The following ZNF609 variants were observed in gnomAD, a reference collection of about 807,000 sequenced individuals.
ZNF609 encodes the protein zinc finger protein 609.
A neutral mutation model predicts 109.5 loss-of-function variants in ZNF609; 11 were observed. That is an observed-to-expected ratio of 0.10 (90% CI 0.06 to 0.17). ZNF609 has a LOEUF of 0.17. ZNF609 is among the 10% of genes least tolerant of loss of function. The probability of loss-of-function intolerance (pLI) is 1.00; values close to 1 mark genes in which losing one functional copy is unlikely to be tolerated. For synonymous variants in ZNF609, 646 were observed against 662.0 expected (o/e 0.98, Z 0.37); for missense variants, 1,559 against 1,772.4 (o/e 0.88, Z 2.16).
At chr15:64,673,668 T>C (rs1348468761) in intron 4 of ZNF609, among the ~76,000 whole-genome samples, 1 of 152,192 alleles carries the variant, frequency 6.6e-6, no homozygotes, top group Non-Finnish European at 1.5e-5. Flanking sequence ...ATAGGAAATG[T>C]TGACTTGACT....
chr15:64,577,338 T>TATATGTATATATATACAC lies in ZNF609; in HGVS notation c.748-45485_748-45484insGTATATATATACACATAT, dbSNP rs1567019381. 2.7e-3 allele frequency among the ~76,000 whole-genome samples: 50 copies of TATATGTATATATATACAC among 18,642 alleles called. 17 individuals carry two copies. Among genetic ancestry groups the TATATGTATATATATACAC allele is most frequent in the African/African-American group, 4.8e-3 (50 of 10,354 alleles). 12.2% of individuals were successfully genotyped at this position (18,642 alleles called of 152,430 possible). A position where few individuals can be genotyped will look rare whatever the true frequency, so the allele number is the denominator to read the frequency against. ...ATATATATACACACAAATATATACATATATATGTATATATATACACATATA... is the reference window on the plus strand; with the variant it reads ...ATATATATACACACAAATATATACATATATGTATATATATACACATATATGTATATATATACACATATA... On this transcript the variant is annotated intron_variant, in intron 2 of 9. Coordinates refer to ENST00000326648, the MANE Select transcript of ZNF609 (RefSeq NM_015042.2).
Position 64,622,819 on chromosome 15 carries a change from C to T in ZNF609, c.748-8C>T, listed in dbSNP as rs368971768. 1 of 1,613,316 alleles carries T rather than the reference C, an allele frequency of 6.2e-7. No individual in the cohort carries two copies. The highest frequency in any genetic ancestry group is 8.5e-7 in the Non-Finnish European group (1 of 1,179,312). On this transcript the variant is annotated splice_polypyrimidine_tract_variant and splice_region_variant and intron_variant, in intron 2 of 9. Coordinates refer to ENST00000326648, the MANE Select transcript of ZNF609 (RefSeq NM_015042.2). ...CAACTCAGCTACTACTTTTTCTTCC[C>T]TCCACAGATGGAGTCCCCTGTTTCC...
chr15:64,614,620 A>G (rs531444653), intron 2 of ZNF609, among the ~76,000 whole-genome samples: 47 of 152,232 alleles, frequency 3.1e-4, no homozygotes, highest in Non-Finnish European at 6.0e-4. Flanking sequence ...AACCCACAAT[A>G]AGAATTTGGT....
At chr15:64,495,640 G>A (rs1299978867) in intron 1 of ZNF609, among the ~76,000 whole-genome samples, 1 of 151,824 alleles carries the variant, frequency 6.6e-6, no homozygotes, top group East Asian at 1.9e-4. Flanking sequence ...ATCCTCAAGC[G>A]ATCCACCCAC....
intron 1 of ZNF609, among the ~76,000 whole-genome samples, chr15:64,479,284 A>ATTTTTTTTTTTTTTT (rs34496032): frequency 2.3e-5 from 2 of 86,540 alleles, no homozygotes; most frequent in Non-Finnish European, 3.9e-5. Context: ...TACCTGTGTG[A>ATTTTTTTTTTTTTTT]TTTTTTTTTT....
At chr15:64,590,329 CTTTAT>C (rs1227243348) in intron 2 of ZNF609, among the ~76,000 whole-genome samples, 3 of 152,112 alleles carry the variant, frequency 2.0e-5, no homozygotes, top group South Asian at 4.2e-4. Context: ...CTCTTTTGCT[CTTTAT>C]TTTGAGAGAG....
At position 64,577,311 on chromosome 15, in the gene ZNF609, GTA is replaced by G. The variant is rs1193320186; in HGVS notation, c.748-45507_748-45506del. Among the ~76,000 whole-genome samples the G allele has an allele frequency of 7.4e-3, 95 of 12,752 alleles. 40 individuals are homozygous for G. Among genetic ancestry groups the G allele is most frequent in the Non-Finnish European group, 0.018 (32 of 1,820 alleles). The allele number at this position is 12,752 out of a possible 152,430, so 8.4% of individuals were successfully genotyped here. A position where few individuals can be genotyped will look rare whatever the true frequency, so the allele number is the denominator to read the frequency against. ...TATACACACAAATATATACATATAT[GTA>G]TATATATACACACAAATATATACAT... On this transcript the variant is annotated intron_variant, in intron 2 of 9. Coordinates refer to ENST00000326648, the MANE Select transcript of ZNF609 (RefSeq NM_015042.2).
chr15:64,625,971 G>T (rs1347634785), intron 3 of ZNF609, among the ~76,000 whole-genome samples: 2 of 110,182 alleles, frequency 1.8e-5, no homozygotes, highest in African/African-American at 7.4e-5. Flanking sequence ...AGAGAGAGAG[G>T]ATATTAAAAT....
intron 2 of ZNF609, among the ~76,000 whole-genome samples, chr15:64,555,415 A>G (rs1219805039): frequency 6.6e-6 from 1 of 152,154 alleles, no homozygotes; most frequent in Non-Finnish European, 1.5e-5. Context: ...CTGTAATCCC[A>G]GCACTTTGGA....
intron 2 of ZNF609, among the ~76,000 whole-genome samples, chr15:64,505,789 C>T (rs895800641): frequency 8.5e-5 from 13 of 152,116 alleles, no homozygotes; most frequent in African/African-American, 3.1e-4. Flanking sequence ...TTCGGGGCCA[C>T]TTCTCATTTA....
intron 2 of ZNF609, chr15:64,528,988 G>A (rs1894013722): frequency 2.0e-6 from 3 of 1,508,362 alleles, no homozygotes; most frequent in Non-Finnish European, 2.7e-6. Context: ...GGCCATGCCA[G>A]TGAGCTTCCC....
intron 3 of ZNF609, among the ~76,000 whole-genome samples, chr15:64,668,718 T>C (rs1346026210): frequency 2.0e-5 from 3 of 151,244 alleles, no homozygotes; most frequent in Non-Finnish European, 4.4e-5. Context: ...CTTTGGGAGG[T>C]TGAGGCAGGC....
intron 2 of ZNF609, among the ~76,000 whole-genome samples, chr15:64,597,347 G>T (rs990255130): frequency 6.6e-6 from 1 of 152,074 alleles, no homozygotes; most frequent in African/African-American, 2.4e-5. Flanking sequence ...AGGGAAAGGA[G>T]GTTACCACGG....
chr15:64,578,591 G>C (rs554133815), intron 2 of ZNF609, among the ~76,000 whole-genome samples: 1 of 152,260 alleles, frequency 6.6e-6, no homozygotes, highest in Non-Finnish European at 1.5e-5. Context: ...TACTCAGGAG[G>C]CTGAGGCAGG....
At chr15:64,540,752 G>GGGCGC (rs1675217136) in intron 2 of ZNF609, among the ~76,000 whole-genome samples, 1 of 151,782 alleles carries the variant, frequency 6.6e-6, no homozygotes, top group Non-Finnish European at 1.5e-5. Context: ...GTGTCTGGCT[G>GGGCGC]GGCGCGGTGG....
intron 1 of ZNF609, among the ~76,000 whole-genome samples, chr15:64,484,675 CA>C (rs35508980): frequency 2.7e-4 from 19 of 69,934 alleles, no homozygotes; most frequent in African/African-American, 8.2e-4. Flanking sequence ...GACTCTGTCT[CA>C]AAAAAAAAAA....
At position 64,499,734 on chromosome 15, in the gene ZNF609, G is replaced by A; in HGVS notation, c.315G>A (p.Gly105=). 6.2e-7 allele frequency: 1 copy of A among 1,614,028 alleles called. No individual in the cohort carries two copies. Among genetic ancestry groups the A allele is most frequent in the Non-Finnish European group, 8.5e-7 (1 of 1,180,022 alleles). Residue 105 remains glycine, a synonymous_variant, in exon 2 of 10, where the codon GGG becomes GGA. Coordinates refer to ENST00000326648, the MANE Select transcript of ZNF609 (RefSeq NM_015042.2). Reference sequence around the variant, plus strand: ...AAGACACTAGCAAACCCACTCCAGGGACTTCCCTGTTCACTCCAAGTGAGG... The same window carrying A: ...AAGACACTAGCAAACCCACTCCAGGAACTTCCCTGTTCACTCCAAGTGAGG... ...SGKDTSKPTP[G]TSLFTPSEGA...
intron 1 of ZNF609, among the ~76,000 whole-genome samples, chr15:64,492,852 T>C (rs1041507812): frequency 2.0e-5 from 3 of 152,224 alleles, no homozygotes; most frequent in Non-Finnish European, 4.4e-5. Context: ...TTGTTCTTTT[T>C]ACTACACCAT....
chr15:64,533,758 A>G (rs1894096100), intron 2 of ZNF609, among the ~76,000 whole-genome samples: 1 of 152,224 alleles, frequency 6.6e-6, no homozygotes, highest in South Asian at 2.1e-4. Context: ...GTTTCATAAA[A>G]TAATACAGAG....
Sources: gnomAD v4.1 joint callset for allele counts (sites outside exome capture counted in the v4.1 genomes callset) on GRCh38, gnomAD v4.1.1 for gene constraint, MANE v1.5 for transcripts, NCBI Gene and HGNC (gene_info 2026-07-23, HGNC 2026-07-21) for gene names.